EIF2AK4: variants seen among roughly 807,000 people sequenced by gnomAD.
The protein encoded by EIF2AK4 is eIF-2-alpha kinase GCN2.
A neutral mutation model predicts 211.1 loss-of-function variants in EIF2AK4; 139 were observed. That is an observed-to-expected ratio of 0.66 (90% CI 0.57 to 0.76). The LOEUF (loss-of-function observed/expected upper bound fraction) is 0.76, where lower values mean the gene tolerates loss of function less well. EIF2AK4 is among the 30% of genes least tolerant of loss of function. EIF2AK4 has a pLI of 0.00. For synonymous variants in EIF2AK4, 710 were observed against 751.3 expected, an observed-to-expected ratio of 0.94 and a Z score of 0.90; for missense variants, 1,664 against 2,043.8, an observed-to-expected ratio of 0.81 and a Z score of 3.58.
intron 1 of EIF2AK4, among the ~76,000 whole-genome samples, chr15:39,938,009 C>T (rs2034091667): frequency 6.6e-6 from 1 of 152,228 alleles, no homozygotes; most frequent in African/African-American, 2.4e-5. Context: ...ATGCTACATC[C>T]TCAGATAGTT....
chr15:39,934,779 A>G (rs550673842), intron 1 of EIF2AK4, among the ~76,000 whole-genome samples: 35 of 152,300 alleles, frequency 2.3e-4, no homozygotes, highest in South Asian at 8.3e-4. Flanking sequence ...AGAATTCTCA[A>G]GTCTCATCCA....
At chr15:40,022,766 C>T (rs8030856) in intron 32 of EIF2AK4, among the ~76,000 whole-genome samples, 161 bp downstream of exon 32, 5 of 151,500 alleles carry the variant, frequency 3.3e-5, no homozygotes, top group Non-Finnish European at 5.9e-5. Flanking sequence ...GACGGAGTCT[C>T]GCTGTCTCCC....
intron 7 of EIF2AK4, among the ~76,000 whole-genome samples, chr15:39,962,581 C>A (rs182564158): frequency 6.6e-6 from 1 of 152,274 alleles, no homozygotes; most frequent in Admixed American, 6.5e-5. Context: ...CCCTCAGCCT[C>A]CTGAATAGCT....
intron 3 of EIF2AK4, among the ~76,000 whole-genome samples, chr15:39,944,655 A>G (rs568264760): frequency 1.7e-4 from 26 of 151,906 alleles, no homozygotes; most frequent in Admixed American, 2.6e-4. Context: ...GGATGGTCTC[A>G]ATCTCCTGAC....
At chr15:39,963,073 G>T (rs917535259) in intron 7 of EIF2AK4, among the ~76,000 whole-genome samples, 31 of 152,186 alleles carry the variant, frequency 2.0e-4, no homozygotes, top group African/African-American at 7.0e-4. Flanking sequence ...AGCAGGTGGA[G>T]GGAGAAGAAA....
intron 1 of EIF2AK4, among the ~76,000 whole-genome samples, chr15:39,935,160 G>C (rs946449195): frequency 6.6e-6 from 1 of 152,194 alleles, no homozygotes; most frequent in African/African-American, 2.4e-5. Flanking sequence ...TCTAGCTCTA[G>C]ACCTTTTAAA....
chr15:40,016,698 G>A (rs1358290128), intron 28 of EIF2AK4, 26 bp downstream of exon 28: 1 of 1,609,244 alleles, frequency 6.2e-7, no homozygotes, highest in African/African-American at 1.3e-5. Context: ...GATACTGGCA[G>A]TACAAATGTG....
intron 18 of EIF2AK4, among the ~76,000 whole-genome samples, chr15:39,995,052 G>A (rs1393008105): frequency 6.6e-6 from 1 of 152,070 alleles, no homozygotes; most frequent in African/African-American, 2.4e-5. Flanking sequence ...ATGTTGGCCA[G>A]GCTGGTCTCA....
At chr15:39,944,299 T>G (rs2034190251) in intron 3 of EIF2AK4, among the ~76,000 whole-genome samples, 1 of 152,208 alleles carries the variant, frequency 6.6e-6, no homozygotes, top group Non-Finnish European at 1.5e-5. Context: ...CAAGACTAAG[T>G]GTCTTCTGGA....
chr15:39,998,273 T>G (rs936441966), intron 19 of EIF2AK4, among the ~76,000 whole-genome samples: 10 of 150,260 alleles, frequency 6.7e-5, no homozygotes, highest in African/African-American at 2.4e-4. Context: ...TTTTTTTGTT[T>G]TGTTTTTTTT....
chr15:39,939,743 A>G (rs2034118530), intron 2 of EIF2AK4, 126 bp downstream of exon 2: 2 of 663,590 alleles, frequency 3.0e-6, no homozygotes, highest in African/African-American at 3.7e-5. Context: ...CATTTCCTCT[A>G]TTTCAACAAA....
At chr15:39,944,466 C>G (rs1229417378) in intron 3 of EIF2AK4, among the ~76,000 whole-genome samples, 2 of 130,404 alleles carry the variant, frequency 1.5e-5, no homozygotes, top group Non-Finnish European at 3.1e-5. Flanking sequence ...GAGTCTTGCT[C>G]TGTCACCCAG....
chr15:40,008,222 A>G (rs1211778821), intron 25 of EIF2AK4, 27 bp downstream of exon 25: 3 of 1,567,838 alleles, frequency 1.9e-6, no homozygotes, highest in Non-Finnish European at 2.6e-6. Context: ...TAACATTCCA[A>G]GATTCCCCAC....
At chr15:39,958,114 A>G (rs753239639) in intron 6 of EIF2AK4, among the ~76,000 whole-genome samples, 7 of 152,234 alleles carry the variant, frequency 4.6e-5, no homozygotes, top group Non-Finnish European at 1.0e-4. Flanking sequence ...TTTAATGTGT[A>G]CAGTTCAGCG....
intron 37 of EIF2AK4, 125 bp downstream of exon 37, chr15:40,032,926 G>A (rs970309019): frequency 8.8e-5 from 64 of 727,588 alleles, no homozygotes; most frequent in Non-Finnish European, 9.6e-5. Flanking sequence ...CAGGAATTTA[G>A]TAACATTTTT....
intron 6 of EIF2AK4, among the ~76,000 whole-genome samples, chr15:39,957,849 G>C (rs62004060): frequency 0.1 from 15,719 of 151,896 alleles, 1,084 homozygotes; most frequent in Non-Finnish European, 0.16. Context: ...TGATCTGTGG[G>C]GTATGTAAAA....
At chr15:39,939,967 A>G (rs1260575195) in intron 2 of EIF2AK4, among the ~76,000 whole-genome samples, 3 of 152,208 alleles carry the variant, frequency 2.0e-5, no homozygotes, top group African/African-American at 7.2e-5. Flanking sequence ...GCCCTTGCAT[A>G]GTTAGAGTGT....
At chr15:39,981,738 T>A (rs960168114) in intron 13 of EIF2AK4, among the ~76,000 whole-genome samples, 1 of 151,974 alleles carries the variant, frequency 6.6e-6, no homozygotes, top group African/African-American at 2.4e-5. Context: ...TTCAAATACA[T>A]CTATTGAGGG....
chr15:39,982,213 C>T (rs1595407744), intron 13 of EIF2AK4, among the ~76,000 whole-genome samples: 3 of 152,022 alleles, frequency 2.0e-5, no homozygotes, highest in Admixed American at 1.3e-4. Context: ...CGTGAGCCAT[C>T]GTGCCCAGCC....
Sources: gnomAD v4.1 joint callset for allele counts (sites outside exome capture counted in the v4.1 genomes callset) on GRCh38, gnomAD v4.1.1 for gene constraint, MANE v1.5 for transcripts, NCBI Gene and HGNC (gene_info 2026-07-23, HGNC 2026-07-21) for gene names.